MRC2: variants seen among roughly 807,000 people sequenced by gnomAD.
MRC2 encodes C-type mannose receptor 2.
In MRC2, 84 loss-of-function variants were observed where a neutral mutation model predicts 206.2. That is an observed-to-expected ratio of 0.41 (90% CI 0.34 to 0.49). MRC2 has a LOEUF of 0.49. MRC2 is among the 20% of genes least tolerant of loss of function. MRC2 has a pLI of 0.31. For missense variants in MRC2, 1,676 were observed against 2,001.5 expected (o/e 0.84, Z 3.10); for synonymous variants, 798 against 800.0 (o/e 1.00, Z 0.04).
At position 62,666,239 on chromosome 17, in the gene MRC2, C is replaced by G. The variant is rs755294107; in HGVS notation, c.666C>G (p.Asp222Glu). ...WCATTQDYGK[D>E]ERWGFCPIKS... ...CCACCACCCAGGACTACGGCAAAGA[C>G]GAGCGCTGGGGCTTCTGCCCCATCA... Residue 222 changes from aspartate to glutamate, a missense_variant, in exon 3 of 30, where the codon GAC becomes GAG. Coordinates refer to ENST00000303375, the MANE Select transcript of MRC2 (RefSeq NM_006039.5). This position sits in a 1 kb window ranked among gnomAD's most constrained non-coding sequence, Gnocchi z 5.0. The G allele has an allele frequency of 2.5e-6, 4 of 1,593,776 alleles. No individual in the cohort carries two copies. The highest frequency in any genetic ancestry group is 1.8e-5 in the Admixed American group (1 of 57,110).
intron 2 of MRC2, among the ~76,000 whole-genome samples, chr17:62,665,698 C>A (rs975088548): frequency 6.6e-6 from 1 of 152,066 alleles, no homozygotes; most frequent in African/African-American, 2.4e-5. Flanking sequence ...CCTGGGGGGG[C>A]CTTTCCTGGG....
chr17:62,677,668 T>C (rs1025445091), intron 12 of MRC2, among the ~76,000 whole-genome samples, 182 bp downstream of exon 12: 3 of 152,104 alleles, frequency 2.0e-5, no homozygotes, highest in Non-Finnish European at 4.4e-5. Flanking sequence ...ATTTGAGGAA[T>C]TGAGGGAACC....
At position 62,678,353 on chromosome 17, in the gene MRC2, T is replaced by TGGTC; in HGVS notation, c.2053-150_2053-149insGTCG. On this transcript the variant is annotated intron_variant, in intron 12 of 29. Transcript: ENST00000303375. ...GTGCCAGCTCCCCTCCCCAGACCTC[T>TGGTC]GCAGATGAACAGGATTGTCCTTAGC... 3.2e-5 allele frequency: 35 copies of TGGTC among 1,095,368 alleles called. No homozygotes were observed. In the Admixed American group the frequency reaches 3.3e-4, roughly 10 times the overall value. The allele number at this position is 1,095,368 out of a possible 1,614,324, so 67.9% of individuals were successfully genotyped here.
At chr17:62,628,001 C>T in intron 1 of MRC2, 81 bp downstream of exon 1, 1 of 902,888 alleles carries the variant, frequency 1.1e-6, no homozygotes, top group Non-Finnish European at 1.5e-6. Flanking sequence ...ACTTTTCCCT[C>T]CTTTTCCCCC....
chr17:62,639,332 A>G (rs182691259), intron 1 of MRC2, among the ~76,000 whole-genome samples: 16 of 129,358 alleles, frequency 1.2e-4, no homozygotes, highest in African/African-American at 4.8e-4. Context: ...CAACAGAGTG[A>G]GACTTTGTCT....
intron 12 of MRC2, among the ~76,000 whole-genome samples, chr17:62,678,245 A>G (rs1005794695): frequency 5.3e-5 from 8 of 152,210 alleles, no homozygotes; most frequent in Admixed American, 4.6e-4. Context: ...ACCCACGTTA[A>G]GCTGTGGCTC....
Position 62,666,590 on chromosome 17 carries a change from C to A in MRC2, c.830C>A (p.Thr277Lys). ...EQQGADLLSITEIHEQTYING... is the reference protein window; with the variant it reads ...EQQGADLLSIKEIHEQTYING... ...CAGGGTGCGGATCTGCTGAGCATCA[C>A]GGAGATCCACGAGCAGACCTACATC... The change falls in exon 4 of 30, where the codon ACG becomes AAG. Residue 277 changes from threonine (T) to lysine (K), a missense_variant. Thr to Lys is a moderately conservative substitution (Grantham distance 78). Coordinates refer to ENST00000303375, the MANE Select transcript of MRC2 (RefSeq NM_006039.5). This position sits in a 1 kb window ranked among gnomAD's most constrained non-coding sequence, Gnocchi z 5.0. The A allele has an allele frequency of 6.2e-7, 1 of 1,600,844 alleles. No homozygotes were observed. The highest frequency in any genetic ancestry group is 8.5e-7 in the Non-Finnish European group (1 of 1,173,982).
intron 13 of MRC2, 171 bp from the exon 14 acceptor site, chr17:62,679,629 T>A: frequency 1.8e-6 from 1 of 566,548 alleles, no homozygotes; most frequent in South Asian, 2.2e-5. Flanking sequence ...GGGAGAACTT[T>A]ACCGAAGTGA....
chr17:62,640,362 G>C (rs1034597781), intron 1 of MRC2, among the ~76,000 whole-genome samples: 1 of 152,056 alleles, frequency 6.6e-6, no homozygotes, highest in East Asian at 1.9e-4. Flanking sequence ...CATTGAAAAC[G>C]TACCAGGCAT....
rs58330151 is a variant in MRC2, at chr17:62,686,451, TCAACAACAA to T, written c.2947-1810_2947-1802del. Among the ~76,000 whole-genome samples, 861 of 149,988 alleles carry T rather than the reference TCAACAACAA, an allele frequency of 5.7e-3. 7 individuals carry two copies. The highest frequency in any genetic ancestry group is 0.01 in the Middle Eastern group (3 of 288). Reference sequence around the variant, plus strand: ...CTGGGCAACAAAGCAAGACTCCATCTCAACAACAACAACAACAACAACAACAACAACAAC... The same window carrying T: ...CTGGGCAACAAAGCAAGACTCCATCTCAACAACAACAACAACAACAACAAC... On this transcript the variant is annotated intron_variant, in intron 20 of 29. Transcript: ENST00000303375.
chr17:62,629,179 C>T (rs1308932485), intron 1 of MRC2, among the ~76,000 whole-genome samples: 2 of 152,230 alleles, frequency 1.3e-5, no homozygotes, highest in Non-Finnish European at 2.9e-5. Flanking sequence ...ACAGGCAGTT[C>T]CCCTACCTCC....
intron 1 of MRC2, among the ~76,000 whole-genome samples, chr17:62,643,117 C>A (rs1041802589): frequency 2.0e-5 from 3 of 152,078 alleles, no homozygotes; most frequent in Non-Finnish European, 4.4e-5. Flanking sequence ...CACCTGAGGT[C>A]AGGAGTTCGA....
At chr17:62,642,497 A>G (rs2088419313) in intron 1 of MRC2, among the ~76,000 whole-genome samples, 1 of 152,168 alleles carries the variant, frequency 6.6e-6, no homozygotes, top group Non-Finnish European at 1.5e-5. Context: ...CCCAGGCTGG[A>G]GTGCAGCAGC....
chr17:62,690,620 C>T (rs759917428), intron 26 of MRC2, 22 bp from the exon 27 acceptor site: 14 of 1,583,730 alleles, frequency 8.8e-6, no homozygotes, highest in African/African-American at 1.3e-5. Flanking sequence ...TCCGCCCTGA[C>T]GTGGGCCTTC....
rs578081323 is a variant in MRC2, at chr17:62,674,058, C to T, written c.1462-5C>T. ...TTGAGATTCTTCCTCACCCTGTGTC[C>T]GTAGGAAGGCCGCTGGAACGACAGT... is the stretch of plus-strand genomic sequence containing the variant. On this transcript the variant is annotated splice_region_variant and splice_polypyrimidine_tract_variant and intron_variant, in intron 8 of 29. Coordinates refer to ENST00000303375, the MANE Select transcript of MRC2 (RefSeq NM_006039.5). 26 of 1,547,354 alleles carry T rather than the reference C, an allele frequency of 1.7e-5. No homozygotes were observed. Among genetic ancestry groups the T allele is most frequent in the Middle Eastern group, 1.7e-4 (1 of 5,986 alleles).
chr17:62,645,577 A>G (rs2088474378), intron 1 of MRC2, among the ~76,000 whole-genome samples: 2 of 114,586 alleles, frequency 1.7e-5, no homozygotes, highest in Non-Finnish European at 3.3e-5. Context: ...TCTGTTGCCC[A>G]GGCTGGAGTA....
At chr17:62,646,316 G>A (rs541241775) in intron 1 of MRC2, among the ~76,000 whole-genome samples, 12 of 151,974 alleles carry the variant, frequency 7.9e-5, no homozygotes, top group South Asian at 2.1e-4. Context: ...GAGCCACCGC[G>A]CCCGGCCCCC....
At chr17:62,691,762 C>A (rs1289406805) in intron 28 of MRC2, among the ~76,000 whole-genome samples, 2 of 146,248 alleles carry the variant, frequency 1.4e-5, no homozygotes, top group African/African-American at 2.6e-5. Context: ...CACAGCAAGA[C>A]CCTGTCTCCA....
Position 62,675,298 on chromosome 17 carries a change from G to A in MRC2, c.1570-492G>A, listed in dbSNP as rs1317350361. The stretch of plus-strand genomic sequence containing the variant: ...TTCTGCCTTGGCTCCTGCCAGCCTC[G>A]CCTGCCAGGGTCTCGTCTCTGAGCC... On this transcript the variant is annotated intron_variant, in intron 9 of 29. Transcript: ENST00000303375. This position sits in a 1 kb window ranked among gnomAD's most constrained non-coding sequence, Gnocchi z 4.1. Among the ~76,000 whole-genome samples the A allele has an allele frequency of 6.6e-6, 1 of 152,066 alleles. No homozygotes were observed. The highest frequency in any genetic ancestry group is 1.5e-5 in the Non-Finnish European group (1 of 68,006).
Sources: gnomAD v4.1 joint callset for allele counts (sites outside exome capture counted in the v4.1 genomes callset) on GRCh38, gnomAD v4.1.1 for gene constraint, Gnocchi (gnomAD v3.1) non-coding constraint, MANE v1.5 for transcripts, NCBI Gene and HGNC (gene_info 2026-07-23, HGNC 2026-07-21) for gene names.